EPHA6: variants seen among roughly 807,000 people sequenced by gnomAD.
The protein encoded by EPHA6 is ephrin type-A receptor 6.
In EPHA6, 50 loss-of-function variants were observed where a neutral mutation model predicts 112.0. The ratio of observed to expected loss-of-function variants is 0.45; its 90% CI spans 0.36 to 0.56. The LOEUF (loss-of-function observed/expected upper bound fraction) is 0.56. Ranked by LOEUF, EPHA6 falls within the 20% of genes least tolerant of loss-of-function variation. The pLI is 0.00. For missense variants in EPHA6, 1,280 were observed against 1,417.4 expected (o/e 0.90, Z 1.56); for synonymous variants, 529 against 490.7 (o/e 1.08, Z -1.03).
At chr3:97,664,167 C>T (rs1230655208) in intron 14 of EPHA6, among the ~76,000 whole-genome samples, 1 of 152,114 alleles carries the variant, frequency 6.6e-6, no homozygotes, top group Non-Finnish European at 1.5e-5. Flanking sequence ...CCTTTGCCCA[C>T]TTTTTGATGG....
chr3:97,459,980 A>G (rs1411134059), intron 7 of EPHA6, among the ~76,000 whole-genome samples: 4 of 152,218 alleles, frequency 2.6e-5, no homozygotes, highest in Admixed American at 2.0e-4. Context: ...AAGCCATCCC[A>G]AGTCAAACCT....
At chr3:97,102,124 G>A (rs1351714948) in intron 3 of EPHA6, among the ~76,000 whole-genome samples, 1 of 151,970 alleles carries the variant, frequency 6.6e-6, no homozygotes, top group African/African-American at 2.4e-5. Flanking sequence ...GCACTGAGCC[G>A]CCATATAAGA....
chr3:97,542,510 T>C (rs1214416617), intron 11 of EPHA6, among the ~76,000 whole-genome samples: 2 of 152,164 alleles, frequency 1.3e-5, no homozygotes, highest in Non-Finnish European at 2.9e-5. Context: ...GACATTTAGG[T>C]TGGTTCCAAG....
chr3:97,150,689 A>G (rs959139617), intron 3 of EPHA6, among the ~76,000 whole-genome samples: 6 of 152,130 alleles, frequency 3.9e-5, no homozygotes, highest in African/African-American at 1.4e-4. Flanking sequence ...TGAGACTACA[A>G]TAGCCTAATA....
rs2035902189 is a variant in EPHA6 at position 97,751,575 on chromosome 3, G to C, written c.*2874G>C. 6.6e-6 allele frequency among the ~76,000 whole-genome samples: 1 copy of C among 151,870 alleles called. No individual in the cohort carries two copies. The highest frequency in any genetic ancestry group is 2.4e-5 in the African/African-American group (1 of 41,334). On this transcript the variant is annotated 3_prime_UTR_variant, in exon 18 of 18. Transcript: ENST00000389672. ...CCAATCATGGACCCCATGATCCCAGGAATATTACAATATTCAGGAATATAA... is the reference window on the plus strand; with the variant it reads ...CCAATCATGGACCCCATGATCCCAGCAATATTACAATATTCAGGAATATAA...
intron 2 of EPHA6, among the ~76,000 whole-genome samples, chr3:96,971,007 G>C (rs372953942): frequency 1.3e-5 from 2 of 151,786 alleles, no homozygotes; most frequent in South Asian, 2.1e-4. Flanking sequence ...CATAAGACAG[G>C]GTAATTAAGA....
At position 97,141,847 on chromosome 3, in the gene EPHA6, A is replaced by G. The variant is rs147243951; in HGVS notation, c.1115-84417A>G. 4.7e-4 allele frequency among the ~76,000 whole-genome samples: 71 copies of G among 150,072 alleles called. No homozygotes were observed. The East Asian group carries it at 9.8e-3, about 21-fold the overall frequency. On this transcript the variant is annotated intron_variant, in intron 3 of 17. Coordinates refer to ENST00000389672, the MANE Select transcript of EPHA6 (RefSeq NM_001080448.3). ...ACAAAGATCAGAGCACAAATAAATGAGATTGAGACAAAAAACAAGAAAAAG... is the reference window on the plus strand; with the variant it reads ...ACAAAGATCAGAGCACAAATAAATGGGATTGAGACAAAAAACAAGAAAAAG...
At chr3:97,283,794 C>T (rs1257141990) in intron 5 of EPHA6, among the ~76,000 whole-genome samples, 1 of 152,010 alleles carries the variant, frequency 6.6e-6, no homozygotes, top group African/African-American at 2.4e-5. Context: ...AACTTATTAT[C>T]AAGCAATGAC....
In EPHA6 at chr3:97,226,501, T is replaced by C. The variant is rs185161556; in HGVS notation, c.1270+82T>C. The C allele has an allele frequency of 4.3e-3, 5,668 of 1,320,858 alleles. 28 individuals are homozygous for C. Among genetic ancestry groups the C allele is most frequent in the South Asian group, 6.6e-3 (432 of 65,124 alleles). 81.8% of individuals were successfully genotyped at this position (1,320,858 alleles called of 1,614,324 possible). A position where few individuals can be genotyped will look rare whatever the true frequency, so the allele number is the denominator to read the frequency against. On this transcript the variant is annotated intron_variant, in intron 4 of 17. Coordinates refer to ENST00000389672, the MANE Select transcript of EPHA6 (RefSeq NM_001080448.3). ...ATTCTAAATTTAAAAAATAAGTAAA[T>C]GTACAAAATCTTGCATTATCAATGC...
At chr3:97,249,771 G>T (rs930916748) in intron 5 of EPHA6, among the ~76,000 whole-genome samples, 5 of 152,124 alleles carry the variant, frequency 3.3e-5, no homozygotes, top group Non-Finnish European at 7.4e-5. Context: ...TCTACCCACT[G>T]CATTAATAGA....
At chr3:97,084,507 A>G (rs189712208) in intron 3 of EPHA6, among the ~76,000 whole-genome samples, 2 of 152,122 alleles carry the variant, frequency 1.3e-5, no homozygotes, top group East Asian at 1.9e-4. Context: ...GCGAAACGCA[A>G]CAACAGGCAA....
At chr3:97,003,794 C>G (rs1370081024) in intron 3 of EPHA6, among the ~76,000 whole-genome samples, 1 of 144,114 alleles carries the variant, frequency 6.9e-6, no homozygotes, top group Non-Finnish European at 1.5e-5. Context: ...CCTCACCCCC[C>G]CACCCCACAA....
chr3:97,527,128 A>G (rs1452846373), intron 10 of EPHA6, among the ~76,000 whole-genome samples: 1 of 152,118 alleles, frequency 6.6e-6, no homozygotes, highest in Non-Finnish European at 1.5e-5. Flanking sequence ...CAAGAAGCAG[A>G]TGGGTCTGTC....
rs187699764 is a variant in EPHA6 at position 97,603,973 on chromosome 3, G to A, written c.2513-6820G>A. 8.9e-4 allele frequency among the ~76,000 whole-genome samples: 135 copies of A among 151,848 alleles called. 1 individual carries two copies. The highest frequency in any genetic ancestry group is 3.0e-3 in the African/African-American group (124 of 41,492). ...GATTCAACATCTAGTCAGTAAGGTA[G>A]CATATAATACTCAACATATAGCCAT... On this transcript the variant is annotated intron_variant, in intron 12 of 17. Transcript: ENST00000389672.
At chr3:97,448,479 A>AT (rs1420834253) in intron 6 of EPHA6, 89 bp from the exon 7 acceptor site, 1 of 1,377,134 alleles carries the variant, frequency 7.3e-7, no homozygotes, top group East Asian at 2.3e-5. Flanking sequence ...TATTCAGAGC[A>AT]TAATTTCTCA....
intron 11 of EPHA6, among the ~76,000 whole-genome samples, chr3:97,545,362 G>T (rs1041190234): frequency 6.6e-6 from 1 of 152,142 alleles, no homozygotes; most frequent in African/African-American, 2.4e-5. Flanking sequence ...CAGTTTCCAT[G>T]TAGTTTAGGG....
intron 2 of EPHA6, among the ~76,000 whole-genome samples, chr3:96,974,060 TTA>T (rs1283707114): frequency 6.9e-6 from 1 of 145,716 alleles, no homozygotes; most frequent in South Asian, 2.1e-4. Flanking sequence ...TATAATAAAA[TTA>T]TATATTTGTA....
chr3:97,633,228 C>T (rs967728952), intron 13 of EPHA6, among the ~76,000 whole-genome samples: 4 of 151,910 alleles, frequency 2.6e-5, no homozygotes, highest in African/African-American at 9.7e-5. Flanking sequence ...CAATCAGGCT[C>T]ACCCTTTCTG....
chr3:97,196,419 A>G (rs1456988491), intron 3 of EPHA6, among the ~76,000 whole-genome samples: 1 of 151,776 alleles, frequency 6.6e-6, no homozygotes, highest in Non-Finnish European at 1.5e-5. Context: ...TCTTCCTCAA[A>G]ACAGCCATTT....
Sources: allele counts gnomAD v4.1 joint callset (sites outside exome capture counted in the v4.1 genomes callset), GRCh38; gene constraint gnomAD v4.1.1; transcripts MANE v1.5; gene names NCBI Gene and HGNC (gene_info 2026-07-23, HGNC 2026-07-21).